Variants in CNBD1 observed in about 807,000 individuals in gnomAD.
CNBD1 encodes the protein cyclic nucleotide-binding domain-containing protein 1.
CNBD1 carries 71 observed loss-of-function variants against 54.4 expected under a neutral mutation model. That is an observed-to-expected ratio of 1.30 (90% confidence interval 1.08 to 1.59). CNBD1 has a LOEUF of 1.59. Among genes scored for constraint, CNBD1 ranks in the 40% most tolerant of loss-of-function variants. CNBD1 has a pLI of 0.00. For synonymous variants in CNBD1, 182 were observed against 170.7 expected, an observed-to-expected ratio of 1.07 and a Z score of -0.51; for missense variants, 659 against 518.0, an observed-to-expected ratio of 1.27 and a Z score of -2.64.
At chr8:86,932,210 C>T (rs1354365607) in intron 3 of CNBD1, among the ~76,000 whole-genome samples, 1 of 152,218 alleles carries the variant, frequency 6.6e-6, no homozygotes, top group Non-Finnish European at 1.5e-5. Context: ...GCCCTAGACC[C>T]TGTAGGACAT....
Position 86,984,352 on chromosome 8 carries a change from G to A in CNBD1, c.431+44598G>A, listed in dbSNP as rs535771258. ...CTTATGGAGAATCTCTCTTAGGGCA[G>A]AGGAAGGGAAATGTGGGGTTGGAGC... On this transcript the variant is annotated intron_variant, in intron 4 of 10. Transcript: ENST00000518476. 2.2e-4 allele frequency among the ~76,000 whole-genome samples: 33 copies of A among 152,302 alleles called. 1 individual carries two copies. In the Middle Eastern group the frequency reaches 0.01, roughly 47 times the overall value.
downstream of CNBD1, among the ~76,000 whole-genome samples, chr8:87,385,340 G>T (rs954003209): frequency 8.6e-5 from 13 of 151,752 alleles, no homozygotes; most frequent in Middle Eastern, 0.017. Flanking sequence ...ACCCGGGAAG[G>T]GCAGAGTCAG....
intron 2 of CNBD1, among the ~76,000 whole-genome samples, chr8:87,394,251 C>A (rs889022017): frequency 2.0e-5 from 3 of 151,770 alleles, no homozygotes; most frequent in African/African-American, 7.2e-5. Flanking sequence ...CAATGCAAAG[C>A]GTTGCTAAAT....
chr8:87,341,616 C>G (rs1810065265), intron 8 of CNBD1, among the ~76,000 whole-genome samples: 1 of 152,156 alleles, frequency 6.6e-6, no homozygotes, highest in African/African-American at 2.4e-5. Flanking sequence ...CATGAGGGCT[C>G]CACCCTCTTT....
Position 86,949,962 on chromosome 8 carries a change from T to TTTG in CNBD1, c.431+10210_431+10211insGTT. On this transcript the variant is annotated intron_variant, in intron 4 of 10. Transcript: ENST00000518476. ...TCATCAAATGCTTTTTTTTTTTTTT[T>TTTG]TTTTTTTTTTTTGAGATGGAGTCTC... Among the ~76,000 whole-genome samples, 14 of 130,846 alleles carry TTTG rather than the reference T, an allele frequency of 1.1e-4. 5 individuals are homozygous for TTTG. The highest frequency in any genetic ancestry group is 3.8e-4 in the Admixed American group (5 of 13,030). The allele number at this position is 130,846 out of a possible 152,430, so 85.8% of individuals were successfully genotyped here. A position where few individuals can be genotyped will look rare whatever the true frequency, so the allele number is the denominator to read the frequency against.
intron 6 of CNBD1, among the ~76,000 whole-genome samples, chr8:87,259,110 C>A (rs929962544): frequency 3.3e-5 from 5 of 152,042 alleles, no homozygotes; most frequent in African/African-American, 9.7e-5. Flanking sequence ...TAATTTTTAA[C>A]AATTTTCACT....
At chr8:87,321,117 G>A (rs1057299964) in intron 8 of CNBD1, among the ~76,000 whole-genome samples, 1 of 145,532 alleles carries the variant, frequency 6.9e-6, no homozygotes, top group Admixed American at 6.9e-5. Flanking sequence ...TCCACCACCT[G>A]GCCATTGTGA....
At chr8:87,331,373 C>A (rs1384265351) in intron 8 of CNBD1, among the ~76,000 whole-genome samples, 7 of 152,144 alleles carry the variant, frequency 4.6e-5, no homozygotes, top group Admixed American at 4.6e-4. Flanking sequence ...TCATCAAAGT[C>A]CCTGCAAAGG....
At chr8:87,259,816 G>C in intron 6 of CNBD1, among the ~76,000 whole-genome samples, 1 of 152,206 alleles carries the variant, frequency 6.6e-6, no homozygotes, top group Non-Finnish European at 1.5e-5. Flanking sequence ...TTGAATAACC[G>C]CTTTTAATTA....
intron 6 of CNBD1, among the ~76,000 whole-genome samples, chr8:87,250,534 G>T (rs1159206794): frequency 1.1e-4 from 16 of 152,144 alleles, no homozygotes; most frequent in Non-Finnish European, 2.2e-4. Context: ...CATGTTTATT[G>T]CAGCACTATT....
intron 4 of CNBD1, among the ~76,000 whole-genome samples, chr8:87,032,272 A>G (rs1039137682): frequency 5.3e-5 from 8 of 152,206 alleles, no homozygotes; most frequent in Non-Finnish European, 8.8e-5. Context: ...GAAAATCTGC[A>G]TAGAACTTTT....
intron 6 of CNBD1, among the ~76,000 whole-genome samples, chr8:87,262,746 C>T (rs1808168888): frequency 6.6e-6 from 1 of 152,112 alleles, no homozygotes; most frequent in Admixed American, 6.6e-5. Flanking sequence ...ACCGCTTAGG[C>T]ATCCAAAAAA....
intron 4 of CNBD1, among the ~76,000 whole-genome samples, chr8:87,040,909 AT>A: frequency 6.6e-6 from 1 of 151,996 alleles, no homozygotes; most frequent in South Asian, 2.1e-4. Context: ...CCCATTATTA[AT>A]TTATATGTTG....
Position 87,229,308 on chromosome 8 carries a change from A to G in CNBD1, c.578-7611A>G, listed in dbSNP as rs147078245. On this transcript the variant is annotated intron_variant, in intron 5 of 10. Transcript: ENST00000518476. ...TTCTTAAATGCTGGTTTTTTTTTTAAATACATGAAATCGTTTTATGTATTT... is the reference window on the plus strand; with the variant it reads ...TTCTTAAATGCTGGTTTTTTTTTTAGATACATGAAATCGTTTTATGTATTT... Among the ~76,000 whole-genome samples, 381 of 152,116 alleles carry G rather than the reference A, an allele frequency of 2.5e-3. 7 individuals are homozygous for G. Among genetic ancestry groups the G allele is most frequent in the South Asian group, 0.021 (101 of 4,824 alleles).
At chr8:87,300,854 A>G (rs1458575061) in intron 8 of CNBD1, among the ~76,000 whole-genome samples, 1 of 152,162 alleles carries the variant, frequency 6.6e-6, no homozygotes. Flanking sequence ...CAACAAATAA[A>G]ATCTTTTGTG....
chr8:86,919,276 C>A (rs1025614600), intron 3 of CNBD1, among the ~76,000 whole-genome samples: 1 of 151,988 alleles, frequency 6.6e-6, no homozygotes, highest in African/African-American at 2.4e-5. Context: ...AACCTTTAGA[C>A]AAATTAAATA....
intron 2 of CNBD1, among the ~76,000 whole-genome samples, chr8:87,426,866 A>T (rs1326260961): frequency 6.6e-6 from 1 of 152,230 alleles, no homozygotes; most frequent in Admixed American, 6.5e-5. Flanking sequence ...TAATTTGACC[A>T]GGGATATACC....
chr8:87,342,709 GT>G (rs1292313053), intron 8 of CNBD1, among the ~76,000 whole-genome samples: 1 of 152,068 alleles, frequency 6.6e-6, no homozygotes, highest in Non-Finnish European at 1.5e-5. Flanking sequence ...AAATCAGCAG[GT>G]TTTTATTAGG....
intron 4 of CNBD1, among the ~76,000 whole-genome samples, chr8:87,002,056 G>C (rs1467375448): frequency 6.6e-6 from 1 of 152,118 alleles, no homozygotes; most frequent in Admixed American, 6.5e-5. Flanking sequence ...CTTTTCTATA[G>C]AAATGTTATT....
Sources: allele counts gnomAD v4.1 joint callset (sites outside exome capture counted in the v4.1 genomes callset), GRCh38; gene constraint gnomAD v4.1.1; transcripts MANE v1.5; gene names NCBI Gene and HGNC (gene_info 2026-07-23, HGNC 2026-07-21).